SH2B2: variants seen among roughly 807,000 people sequenced by gnomAD.
SH2B2 encodes SH2B adapter protein 2.
A neutral mutation model predicts 35.7 loss-of-function variants in SH2B2; 37 were observed. The observed-to-expected ratio is 1.04, with a 90% CI of 0.80 to 1.36. SH2B2 has a LOEUF of 1.36. Ranked by LOEUF, SH2B2 falls within the 40% of genes most tolerant of loss-of-function variation. The probability of loss-of-function intolerance (pLI) is 0.00; values close to 1 mark genes in which losing one functional copy is unlikely to be tolerated. For missense variants in SH2B2, 852 were observed against 817.7 expected, an observed-to-expected ratio of 1.04 and a Z score of -0.51; for synonymous variants, 383 against 376.4, an observed-to-expected ratio of 1.02 and a Z score of -0.20.
At chr7:102,289,500 T>C (rs1057421197) in intron 1 of SH2B2, among the ~76,000 whole-genome samples, 3 of 151,920 alleles carry the variant, frequency 2.0e-5, no homozygotes, top group African/African-American at 7.3e-5. Flanking sequence ...GAAGAGGATG[T>C]ATTTGAACTT....
At chr7:102,311,531 A>G (rs1554556036) in intron 4 of SH2B2, among the ~76,000 whole-genome samples, 1 of 149,502 alleles carries the variant, frequency 6.7e-6, no homozygotes, top group African/African-American at 2.5e-5. Context: ...CTGGGATTAC[A>G]GGCGTGAGCC....
intron 1 of SH2B2, among the ~76,000 whole-genome samples, chr7:102,287,546 C>T (rs1792503822): frequency 6.6e-6 from 1 of 152,202 alleles, no homozygotes. Flanking sequence ...CGGGGAGGAC[C>T]TCCTCCAGGC....
Position 102,317,305 on chromosome 7 carries a change from G to T in SH2B2, c.1305G>T (p.Gly435=), listed in dbSNP as rs782484238. ...VKAAQLVLAG[G]PRNHGLFVIR... is the part of the protein sequence containing the mutation. ...CTGCTCAACTGGTTCTGGCAGGGGG[G>T]CCCCGGAACCACGGCCTCTTCGTGA... is the stretch of plus-strand genomic sequence containing the variant. The change falls in exon 7 of 9, where the codon GGG becomes GGT. Residue 435 remains glycine, a synonymous_variant. Coordinates refer to ENST00000444095, the MANE Select transcript of SH2B2 (RefSeq NM_001359228.2). 11 of 1,613,338 alleles carry T rather than the reference G, an allele frequency of 6.8e-6. No individual in the cohort carries two copies. In the Admixed American group the frequency reaches 1.2e-4, roughly 17 times the overall value.
chr7:102,293,317 G>A (rs1554552103), intron 1 of SH2B2: 2 of 151,402 alleles, frequency 1.3e-5, no homozygotes, highest in African/African-American at 4.9e-5. Context: ...CTGGTGGCTG[G>A]GGTCTCTTGT....
chr7:102,314,040 A>G (rs1239344807), intron 4 of SH2B2, among the ~76,000 whole-genome samples: 1 of 152,198 alleles, frequency 6.6e-6, no homozygotes, highest in Non-Finnish European at 1.5e-5. Context: ...GAGGACTGAG[A>G]GACAAGTAGG....
chr7:102,303,273 C>T (rs946158650), intron 2 of SH2B2, among the ~76,000 whole-genome samples: 3 of 151,746 alleles, frequency 2.0e-5, no homozygotes, highest in African/African-American at 4.8e-5. Context: ...GTCCCAAGAA[C>T]GAAAGGAACA....
At chr7:102,285,357 C>G (rs1301105277), upstream of SH2B2, 1 of 821,380 alleles carries the variant, frequency 1.2e-6, no homozygotes, top group Non-Finnish European at 2.0e-6. Context: ...CTCGGGCACC[C>G]CCTCCTCCCC....
intron 8 of SH2B2, among the ~76,000 whole-genome samples, chr7:102,320,742 G>A (rs1384277287): frequency 6.6e-6 from 1 of 151,970 alleles, no homozygotes; most frequent in South Asian, 2.1e-4. Flanking sequence ...GGAAGGGGGC[G>A]CCCAACAGCA....
rs1264547072 is a variant in SH2B2, at chr7:102,286,916, G to C, written c.-208G>C. 6.7e-6 allele frequency: 1 copy of C among 148,642 alleles called. No homozygotes were observed. Among genetic ancestry groups the C allele is most frequent in the Non-Finnish European group, 1.5e-5 (1 of 66,916 alleles). The allele number at this position is 148,642 out of a possible 1,614,324, so 9.2% of individuals were successfully genotyped here. The stretch of plus-strand genomic sequence containing the variant: ...GAGCGCGCGGAGCTCGGCTGCCAGA[G>C]AGCCGCGCGGGGGACGCGCCGGGAC... On this transcript the variant is annotated 5_prime_UTR_variant, in exon 1 of 9. Coordinates refer to ENST00000444095, the MANE Select transcript of SH2B2 (RefSeq NM_001359228.2).
chr7:102,291,821 G>C (rs1792683639), intron 1 of SH2B2, among the ~76,000 whole-genome samples: 1 of 152,214 alleles, frequency 6.6e-6, no homozygotes, highest in African/African-American at 2.4e-5. Context: ...TCCTGAATCT[G>C]CAGGGGAGAG....
At chr7:102,295,483 ATGGTGG>A (rs142032007) in intron 1 of SH2B2, among the ~76,000 whole-genome samples, 2 of 152,024 alleles carry the variant, frequency 1.3e-5, no homozygotes, top group African/African-American at 2.4e-5. Flanking sequence ...CCTGGAGGCC[ATGGTGG>A]TGGTGGTGGT....
At chr7:102,287,783 G>T (rs782278954) in intron 1 of SH2B2, among the ~76,000 whole-genome samples, 2 of 152,188 alleles carry the variant, frequency 1.3e-5, no homozygotes, top group African/African-American at 4.8e-5. Flanking sequence ...GGCTGAAGCC[G>T]GGCAGAGGCA....
chr7:102,315,954 C>A (rs1554556922), intron 6 of SH2B2, among the ~76,000 whole-genome samples: 1 of 151,910 alleles, frequency 6.6e-6, no homozygotes, highest in African/African-American at 2.4e-5. Context: ...ATAGACTTCA[C>A]CAGTGGGTTG....
chr7:102,309,990 G>A (rs1041725619), intron 4 of SH2B2, among the ~76,000 whole-genome samples: 1 of 152,166 alleles, frequency 6.6e-6, no homozygotes, highest in South Asian at 2.1e-4. Flanking sequence ...GGGCAACAGA[G>A]CAAGATCCTA....
intron 1 of SH2B2, among the ~76,000 whole-genome samples, chr7:102,293,386 A>C (rs1468978395): frequency 6.7e-6 from 1 of 148,202 alleles, no homozygotes; most frequent in African/African-American, 2.5e-5. Flanking sequence ...ATGAGCAGGG[A>C]CTCCATTAGA....
At chr7:102,308,086 G>C (rs1318102620) in intron 3 of SH2B2, among the ~76,000 whole-genome samples, 3 of 152,108 alleles carry the variant, frequency 2.0e-5, no homozygotes, top group Non-Finnish European at 2.9e-5. Context: ...ACTGCATTTT[G>C]ACAGAGGCAC....
intron 2 of SH2B2, among the ~76,000 whole-genome samples, chr7:102,303,028 G>T (rs138410511): frequency 6.6e-6 from 1 of 151,976 alleles, no homozygotes; most frequent in African/African-American, 2.4e-5. Context: ...GAGGTCAGGG[G>T]TTCGTGACCA....
rs558667168 is a variant in SH2B2 at position 102,293,686 on chromosome 7, A to G, written c.-30+6592A>G. 1.1e-4 allele frequency among the ~76,000 whole-genome samples: 16 copies of G among 151,956 alleles called. No individual in the cohort carries two copies. In the South Asian group the frequency reaches 2.7e-3, roughly 26 times the overall value. ...CTGTGAGGGGGAGAGGCAACCCCCT[A>G]CCTGTCCCTAGTCCCAATGGAATGA... On this transcript the variant is annotated intron_variant, in intron 1 of 8. Coordinates refer to ENST00000444095, the MANE Select transcript of SH2B2 (RefSeq NM_001359228.2).
At chr7:102,285,755 G>A (rs941856024), upstream of SH2B2, among the ~76,000 whole-genome samples, 3 of 152,250 alleles carry the variant, frequency 2.0e-5, no homozygotes, top group Non-Finnish European at 4.4e-5. Context: ...CGGCTGGCAA[G>A]GAGACCAGGA....
Sources: gnomAD v4.1 joint callset for allele counts (sites outside exome capture counted in the v4.1 genomes callset) on GRCh38, gnomAD v4.1.1 for gene constraint, MANE v1.5 for transcripts, NCBI Gene and HGNC (gene_info 2026-07-23, HGNC 2026-07-21) for gene names.